RALGAPA2: variants seen among roughly 807,000 people sequenced by gnomAD.
RALGAPA2 encodes Ral GTPase activating protein catalytic subunit alpha 2, also known as ral GTPase-activating protein subunit alpha-2.
RALGAPA2 carries 139 observed loss-of-function variants against 230.4 expected under a neutral mutation model. That is an observed-to-expected ratio of 0.60 (90% CI 0.53 to 0.69). The LOEUF is 0.69. Ranked by LOEUF, RALGAPA2 falls within the 30% of genes least tolerant of loss-of-function variation. The pLI is 0.00. For synonymous variants in RALGAPA2, 847 were observed against 837.8 expected, an observed-to-expected ratio of 1.01 and a Z score of -0.19; for missense variants, 2,163 against 2,276.0, an observed-to-expected ratio of 0.95 and a Z score of 1.01.
In RALGAPA2 at chr20:20,426,936, C is replaced by A. The variant is rs546278053; in HGVS notation, c.5496-14788G>T. 2.0e-5 allele frequency among the ~76,000 whole-genome samples: 3 copies of A among 152,374 alleles called. No homozygotes were observed. In the South Asian group the frequency reaches 6.2e-4, roughly 32 times the overall value. On this transcript the variant is annotated intron_variant, in intron 37 of 39. Coordinates refer to ENST00000202677, the MANE Select transcript of RALGAPA2 (RefSeq NM_020343.4). ...GCTCTATCTCATTTAATCCTCACAA[C>A]TTCCTTCTGTGGTTTGTACTATCCT... is the stretch of plus-strand genomic sequence containing the variant.
chr20:20,425,785 A>T lies in RALGAPA2; in HGVS notation c.5496-13637T>A, dbSNP rs543955206. 7.2e-5 allele frequency among the ~76,000 whole-genome samples: 11 copies of T among 152,366 alleles called. No individual in the cohort carries two copies. In the South Asian group the frequency reaches 2.3e-3, roughly 32 times the overall value. On this transcript the variant is annotated intron_variant, in intron 37 of 39. Coordinates refer to ENST00000202677, the MANE Select transcript of RALGAPA2 (RefSeq NM_020343.4). ...TCAGAGCAAAAAAAATAATGCCACA[A>T]TTATTGAAACCTCACTGGAAATTTG...
chr20:20,617,904 T>A (rs552915739), intron 12 of RALGAPA2, among the ~76,000 whole-genome samples: 1 of 152,300 alleles, frequency 6.6e-6, no homozygotes, highest in South Asian at 2.1e-4. Flanking sequence ...TTTTTTTAAC[T>A]GTAGCACTAT....
rs551297065 is a variant in RALGAPA2, at chr20:20,591,214, G to A, written c.2304C>T (p.Ser768=). The A allele has an allele frequency of 1.9e-5, 30 of 1,613,720 alleles. No homozygotes were observed. The highest frequency in any genetic ancestry group is 8.3e-5 in the Admixed American group (5 of 59,996). ...QQQVLRSSST[S]DIPEPLCSDS... is the part of the protein sequence containing the mutation. ...CTGAGCACAGCGGCTCGGGGATGTC[G>A]GAGGTGCTGCTGCTCCGAAGGACCT... is the stretch of plus-strand genomic sequence containing the variant. Residue 768 remains serine, a synonymous_variant, in exon 17 of 40, where the codon TCC becomes TCT. Coordinates refer to ENST00000202677, the MANE Select transcript of RALGAPA2 (RefSeq NM_020343.4).
At chr20:20,571,132 A>G (rs905974314) in intron 23 of RALGAPA2, among the ~76,000 whole-genome samples, 2 of 152,228 alleles carry the variant, frequency 1.3e-5, no homozygotes, top group Non-Finnish European at 2.9e-5. Flanking sequence ...TTCAAACCAT[A>G]TTTAATGCAG....
intron 16 of RALGAPA2, among the ~76,000 whole-genome samples, chr20:20,596,375 C>A (rs2065455522): frequency 6.6e-6 from 1 of 152,016 alleles, no homozygotes; most frequent in Non-Finnish European, 1.5e-5. Flanking sequence ...TAAATGTAAA[C>A]AAAATTAGCA....
At chr20:20,665,813 A>G (rs139637387) in intron 3 of RALGAPA2, among the ~76,000 whole-genome samples, 229 of 152,296 alleles carry the variant, frequency 1.5e-3, no homozygotes, top group African/African-American at 5.3e-3. Flanking sequence ...TCTCAGTCCT[A>G]TGTTTTATTA....
intron 36 of RALGAPA2, among the ~76,000 whole-genome samples, chr20:20,491,260 T>G (rs561237708): frequency 1.3e-5 from 2 of 152,344 alleles, no homozygotes; most frequent in Admixed American, 1.3e-4. Context: ...CATGCTCGTA[T>G]GTACCAGGGC....
chr20:20,660,169 G>A (rs940915104), intron 3 of RALGAPA2, among the ~76,000 whole-genome samples: 56 of 151,798 alleles, frequency 3.7e-4, no homozygotes, highest in Non-Finnish European at 7.7e-4. Context: ...CGGAGGTTGC[G>A]GTAAGCTGAT....
At chr20:20,605,094 C>T (rs534652913) in intron 15 of RALGAPA2, 81 bp downstream of exon 15, 134 of 1,198,922 alleles carry the variant, frequency 1.1e-4, no homozygotes, top group South Asian at 2.3e-4. Context: ...TAAAATTTCG[C>T]GCATTAATTG....
intron 23 of RALGAPA2, among the ~76,000 whole-genome samples, chr20:20,570,904 C>T (rs1484866269): frequency 5.3e-5 from 8 of 152,212 alleles, no homozygotes; most frequent in Non-Finnish European, 1.0e-4. Flanking sequence ...ATCTCCCAAA[C>T]CTAGGGCCTA....
At position 20,653,131 on chromosome 20, in the gene RALGAPA2, G is replaced by A. The variant is rs199780674; in HGVS notation, c.328+399C>T. Among the ~76,000 whole-genome samples the A allele has an allele frequency of 1.4e-4, 20 of 144,044 alleles. No individual in the cohort carries two copies. The East Asian group carries it at 3.7e-3, about 27-fold the overall frequency. The allele number at this position is 144,044 out of a possible 152,430, so 94.5% of individuals were successfully genotyped here. A position where few individuals can be genotyped will look rare whatever the true frequency, so the allele number is the denominator to read the frequency against. On this transcript the variant is annotated intron_variant, in intron 4 of 39. Coordinates refer to ENST00000202677, the MANE Select transcript of RALGAPA2 (RefSeq NM_020343.4). ...GAATCACTTGAACTCGGGAGGCGGAGGTTGCAATGAGCCGAGATCACACCA... is the reference window on the plus strand; with the variant it reads ...GAATCACTTGAACTCGGGAGGCGGAAGTTGCAATGAGCCGAGATCACACCA...
chr20:20,429,433 T>G (rs888533137), intron 37 of RALGAPA2, among the ~76,000 whole-genome samples: 5 of 152,228 alleles, frequency 3.3e-5, no homozygotes, highest in Admixed American at 2.6e-4. Context: ...GCCATTTTTA[T>G]AGCTAATCTG....
intron 31 of RALGAPA2, 94 bp downstream of exon 31, chr20:20,520,823 A>G: frequency 9.0e-7 from 1 of 1,110,544 alleles, no homozygotes; most frequent in Non-Finnish European, 1.2e-6. Flanking sequence ...TTCAACTTCA[A>G]CAACTAGATT....
rs1338339044 is a variant in RALGAPA2 at position 20,524,847 on chromosome 20, C to G, written c.3745G>C (p.Val1249Leu). The change falls in exon 29 of 40, where the codon GTG (valine) becomes CTG (leucine). Residue 1249 changes from valine to leucine, a missense_variant. By Grantham distance (32) the Val-to-Leu change is conservative (BLOSUM62 1). Coordinates refer to ENST00000202677, the MANE Select transcript of RALGAPA2 (RefSeq NM_020343.4). ...CCACCTACCTTCTTGTCTGTTTCCA[C>G]TGAGGAGTACTCTGCACTTGGTAAA... is the stretch of plus-strand genomic sequence containing the variant. ...FLLPSAEYSS[V>L]ETDKKFIVSL... 6.2e-7 allele frequency: 1 copy of G among 1,607,526 alleles called. No individual in the cohort carries two copies. Among genetic ancestry groups the G allele is most frequent in the Non-Finnish European group, 8.5e-7 (1 of 1,177,674 alleles).
intron 16 of RALGAPA2, among the ~76,000 whole-genome samples, chr20:20,593,927 T>A (rs2065371982): frequency 6.6e-6 from 1 of 152,224 alleles, no homozygotes; most frequent in African/African-American, 2.4e-5. Flanking sequence ...CAGGCTGGCC[T>A]AATGCAGCTT....
At chr20:20,514,209 C>T (rs2145374588) in intron 31 of RALGAPA2, among the ~76,000 whole-genome samples, 1 of 152,190 alleles carries the variant, frequency 6.6e-6, no homozygotes, top group Non-Finnish European at 1.5e-5. Context: ...GCAGCCTGAG[C>T]CATGCTACCC....
At chr20:20,597,255 T>C (rs1262795780) in intron 16 of RALGAPA2, among the ~76,000 whole-genome samples, 1 of 152,220 alleles carries the variant, frequency 6.6e-6, no homozygotes, top group East Asian at 1.9e-4. Context: ...TTTTAAATAC[T>C]TTATTAATCA....
chr20:20,562,773 T>G (rs2064296762), intron 23 of RALGAPA2, among the ~76,000 whole-genome samples: 1 of 152,194 alleles, frequency 6.6e-6, no homozygotes, highest in Admixed American at 6.5e-5. Flanking sequence ...TATTTTTACT[T>G]TCCTCATTGA....
chr20:20,666,894 G>A (rs1462478509), intron 3 of RALGAPA2, among the ~76,000 whole-genome samples: 3 of 151,922 alleles, frequency 2.0e-5, no homozygotes, highest in South Asian at 2.1e-4. Context: ...TCTCACAAAA[G>A]AAGAGGAGGA....
Sources: gnomAD v4.1 joint callset for allele counts (sites outside exome capture counted in the v4.1 genomes callset) on GRCh38, gnomAD v4.1.1 for gene constraint, MANE v1.5 for transcripts, NCBI Gene and HGNC (gene_info 2026-07-23, HGNC 2026-07-21) for gene names.